Variants in TANC2 observed in about 807,000 individuals in gnomAD.
TANC2 encodes the protein protein TANC2.
TANC2 carries 26 observed loss-of-function variants against 210.5 expected under a neutral mutation model. The ratio of observed to expected loss-of-function variants is 0.12; its 90% CI spans 0.09 to 0.17. TANC2 has a LOEUF of 0.17. Among genes scored for constraint, TANC2 ranks in the 10% least tolerant of loss-of-function variants. The pLI is 1.00. For missense variants in TANC2, 2,129 were observed against 2,608.9 expected, an observed-to-expected ratio of 0.82 and a Z score of 4.01; for synonymous variants, 931 against 967.1, an observed-to-expected ratio of 0.96 and a Z score of 0.69.
intron 1 of TANC2, among the ~76,000 whole-genome samples, chr17:62,972,585 G>A (rs368315909): frequency 2.0e-5 from 3 of 152,030 alleles, no homozygotes; most frequent in African/African-American, 4.8e-5. Context: ...CTTCCATTGC[G>A]TTGCTTCCAG....
intron 11 of TANC2, among the ~76,000 whole-genome samples, chr17:63,325,991 T>G (rs1164965697): frequency 6.6e-6 from 1 of 152,240 alleles, no homozygotes; most frequent in African/African-American, 2.4e-5. Context: ...CCTAACCTCC[T>G]TTGGCTCAAG....
At chr17:62,993,706 T>G (rs1479511344) in intron 1 of TANC2, among the ~76,000 whole-genome samples, 1 of 152,096 alleles carries the variant, frequency 6.6e-6, no homozygotes, top group African/African-American at 2.4e-5. Context: ...GCAGGAGGAT[T>G]GTTTGAGGCC....
chr17:63,398,788 T>C, intron 18 of TANC2, 33 bp from the exon 19 acceptor site: 1 of 1,494,426 alleles, frequency 6.7e-7, no homozygotes. Flanking sequence ...GTTTTCCACC[T>C]GAAGTTTGAG....
At chr17:63,389,412 A>T (rs377389715) in exon 17 of TANC2, 2 of 1,613,994 alleles carry the variant, frequency 1.2e-6, no homozygotes, top group African/African-American at 2.7e-5. Flanking sequence ...GTTACACAGA[A>T]ATGGTAGCCC....
chr17:63,017,766 T>C lies in TANC2; in HGVS notation c.67+8140T>C, dbSNP rs544434238. Reference sequence around the variant, plus strand: ...GAAAAACAGTTATGGGTACTAAACCTCAAATTGGTTAGAGATTATTTTTTA... The same window carrying C: ...GAAAAACAGTTATGGGTACTAAACCCCAAATTGGTTAGAGATTATTTTTTA... On this transcript the variant is annotated intron_variant, in intron 2 of 27. Coordinates refer to ENST00000689528, the Ensembl canonical transcript of TANC2. Among the ~76,000 whole-genome samples, 6 of 152,338 alleles carry C rather than the reference T, an allele frequency of 3.9e-5. No individual in the cohort carries two copies. The East Asian group carries it at 7.7e-4, about 20-fold the overall frequency.
At chr17:63,309,473 T>C (rs1395581872) in intron 9 of TANC2, among the ~76,000 whole-genome samples, 1 of 151,802 alleles carries the variant, frequency 6.6e-6, no homozygotes, top group Admixed American at 6.6e-5. Context: ...AATGTTTGCT[T>C]TCTAAATTGT....
chr17:63,068,170 G>A (rs1025767866), intron 2 of TANC2, among the ~76,000 whole-genome samples: 2 of 152,114 alleles, frequency 1.3e-5, no homozygotes, highest in South Asian at 2.1e-4. Context: ...AATAGGCAGA[G>A]GATATAAACA....
At chr17:63,041,579 C>G (rs1237614857) in intron 2 of TANC2, among the ~76,000 whole-genome samples, 1 of 151,956 alleles carries the variant, frequency 6.6e-6, no homozygotes, top group East Asian at 1.9e-4. Context: ...TTCAGCTTCT[C>G]TTTTTATTTT....
chr17:63,283,842 A>G lies in TANC2; in HGVS notation c.1159+15969A>G, dbSNP rs138380510. On this transcript the variant is annotated intron_variant, in intron 9 of 27. Coordinates refer to ENST00000689528, the Ensembl canonical transcript of TANC2. ...TACCATGTTGCTCTTGTATCCTAAA[A>G]CCTTGCTAAACTCACTTATGAGTTC... is the stretch of plus-strand genomic sequence containing the variant. Among the ~76,000 whole-genome samples the G allele has an allele frequency of 3.0e-4, 46 of 151,978 alleles. No homozygotes were observed. In the East Asian group the frequency reaches 7.7e-3, roughly 25 times the overall value.
intron 5 of TANC2, among the ~76,000 whole-genome samples, chr17:63,184,317 T>C (rs1223515794): frequency 3.9e-5 from 6 of 152,286 alleles, no homozygotes; most frequent in Non-Finnish European, 7.4e-5. Flanking sequence ...AATTCTAGAC[T>C]TGTTTCTTAG....
At chr17:63,394,946 G>A (rs2048106121) in intron 17 of TANC2, among the ~76,000 whole-genome samples, 1 of 152,162 alleles carries the variant, frequency 6.6e-6, no homozygotes, top group East Asian at 1.9e-4. Flanking sequence ...TATGTGGATG[G>A]CTGGATGGAA....
At chr17:63,345,920 A>T (rs554630910) in intron 12 of TANC2, among the ~76,000 whole-genome samples, 1 of 152,344 alleles carries the variant, frequency 6.6e-6, no homozygotes, top group African/African-American at 2.4e-5. Flanking sequence ...ACAGGATTGT[A>T]TTCATACAAG....
chr17:63,215,606 C>A (rs2042003742), intron 7 of TANC2, among the ~76,000 whole-genome samples: 1 of 152,108 alleles, frequency 6.6e-6, no homozygotes, highest in South Asian at 2.1e-4. Context: ...TTTAAAAACA[C>A]CCTAAATGAT....
chr17:63,288,720 G>A (rs1445129962), intron 9 of TANC2, among the ~76,000 whole-genome samples: 1 of 151,554 alleles, frequency 6.6e-6, no homozygotes, highest in Non-Finnish European at 1.5e-5. Flanking sequence ...ATTGTTATCT[G>A]TTAGATCAAT....
chr17:63,138,519 C>T (rs577114589), intron 4 of TANC2, among the ~76,000 whole-genome samples: 2 of 152,024 alleles, frequency 1.3e-5, no homozygotes, highest in East Asian at 1.9e-4. Context: ...TCTGCTTGGA[C>T]GGTTGTTGGA....
chr17:63,326,327 A>T (rs1225229912), intron 11 of TANC2, among the ~76,000 whole-genome samples: 1 of 152,246 alleles, frequency 6.6e-6, no homozygotes, highest in Non-Finnish European at 1.5e-5. Context: ...CTAAATAACC[A>T]TATAGATAAC....
At chr17:63,125,439 C>T (rs1203541370) in intron 4 of TANC2, among the ~76,000 whole-genome samples, 2 of 151,996 alleles carry the variant, frequency 1.3e-5, no homozygotes, top group Non-Finnish European at 2.9e-5. Flanking sequence ...CCGTTTTTTA[C>T]CTTTACTAGG....
At chr17:63,275,777 G>A (rs1234073839) in intron 9 of TANC2, among the ~76,000 whole-genome samples, 1 of 152,060 alleles carries the variant, frequency 6.6e-6, no homozygotes, top group Non-Finnish European at 1.5e-5. Context: ...AGTTTTAGTT[G>A]TATGAGGTTG....
At chr17:63,024,750 T>C (rs1343623205) in intron 2 of TANC2, among the ~76,000 whole-genome samples, 1 of 152,216 alleles carries the variant, frequency 6.6e-6, no homozygotes, top group Non-Finnish European at 1.5e-5. Flanking sequence ...AGGTGAGATA[T>C]TAAATGTATT....
Sources: gnomAD v4.1 joint callset for allele counts (sites outside exome capture counted in the v4.1 genomes callset) on GRCh38, gnomAD v4.1.1 for gene constraint, MANE v1.5 for transcripts, NCBI Gene and HGNC (gene_info 2026-07-23, HGNC 2026-07-21) for gene names.